The following CSMD1 variants were observed in gnomAD, a reference collection of about 807,000 sequenced individuals.
The protein encoded by CSMD1 is CUB and sushi domain-containing protein 1.
A neutral mutation model predicts 417.5 loss-of-function variants in CSMD1; 213 were observed. The ratio of observed to expected loss-of-function variants is 0.51; its 90% CI spans 0.46 to 0.57. CSMD1 has a LOEUF of 0.57. Ranked by LOEUF, CSMD1 falls within the 20% of genes least tolerant of loss-of-function variation. CSMD1 has a pLI of 0.00. For synonymous variants in CSMD1, 2,862 were observed against 1,736.8 expected, an observed-to-expected ratio of 1.65 and a Z score of -16.11; for missense variants, 6,923 against 4,529.7, an observed-to-expected ratio of 1.53 and a Z score of -15.17.
intron 3 of CSMD1, among the ~76,000 whole-genome samples, chr8:4,045,062 G>C (rs533062720): frequency 6.6e-6 from 1 of 152,170 alleles, no homozygotes; most frequent in Admixed American, 6.5e-5. Flanking sequence ...AAAGCCTTGT[G>C]CCTGAGGTAT....
intron 10 of CSMD1, among the ~76,000 whole-genome samples, chr8:3,524,169 G>A (rs1224882501): frequency 1.4e-5 from 2 of 146,522 alleles, no homozygotes; most frequent in African/African-American, 5.1e-5. Flanking sequence ...CCAGAGACGT[G>A]CACACACATG....
chr8:3,783,558 G>A (rs1485471446), intron 5 of CSMD1, among the ~76,000 whole-genome samples: 1 of 152,200 alleles, frequency 6.6e-6, no homozygotes, highest in African/African-American at 2.4e-5. Flanking sequence ...ACAGGAGGAA[G>A]CACCACCTGG....
At chr8:4,932,048 T>C (rs915520009) in intron 1 of CSMD1, among the ~76,000 whole-genome samples, 2 of 152,186 alleles carry the variant, frequency 1.3e-5, no homozygotes, top group Non-Finnish European at 2.9e-5. Context: ...ATTGCTAACA[T>C]TTCTTTGGTA....
At chr8:3,272,190 G>C (rs79531951) in intron 26 of CSMD1, among the ~76,000 whole-genome samples, 83,743 of 134,888 alleles carry the variant, frequency 0.62, 28,165 homozygotes, top group Admixed American at 0.64. Context: ...AATAGGGAAT[G>C]CTTTCCCCAT....
At chr8:4,050,327 G>C (rs746956248) in intron 3 of CSMD1, among the ~76,000 whole-genome samples, 16 of 152,144 alleles carry the variant, frequency 1.1e-4, no homozygotes, top group Non-Finnish European at 1.2e-4. Context: ...AAGGAGGCTA[G>C]TTATACACAG....
At chr8:3,245,632 G>T (rs532847901) in intron 26 of CSMD1, among the ~76,000 whole-genome samples, 3 of 152,242 alleles carry the variant, frequency 2.0e-5, no homozygotes, top group African/African-American at 7.2e-5. Context: ...TAAATCTTCC[G>T]CAGGCACCTG....
chr8:4,052,071 G>T (rs1032512701), intron 3 of CSMD1, among the ~76,000 whole-genome samples: 1 of 151,982 alleles, frequency 6.6e-6, no homozygotes, highest in Non-Finnish European at 1.5e-5. Context: ...AAGTAGCCGG[G>T]ACTAAATACC....
chr8:3,947,827 C>T (rs564045045), intron 5 of CSMD1, among the ~76,000 whole-genome samples: 2 of 152,240 alleles, frequency 1.3e-5, no homozygotes, highest in African/African-American at 4.8e-5. Flanking sequence ...TCAAGTAGGT[C>T]ACATTTGTTA....
intron 12 of CSMD1, among the ~76,000 whole-genome samples, chr8:3,416,761 C>T (rs951655673): frequency 4.6e-5 from 7 of 152,118 alleles, no homozygotes; most frequent in Non-Finnish European, 7.4e-5. Flanking sequence ...GTACAGAACT[C>T]ACTGAGCCTA....
At chr8:4,175,584 G>A (rs894621143) in intron 3 of CSMD1, among the ~76,000 whole-genome samples, 2 of 152,084 alleles carry the variant, frequency 1.3e-5, no homozygotes, top group Non-Finnish European at 2.9e-5. Context: ...GGTATATTAG[G>A]AGAGTAAATA....
intron 3 of CSMD1, among the ~76,000 whole-genome samples, chr8:4,160,112 A>C (rs1282644265): frequency 6.6e-6 from 1 of 151,766 alleles, no homozygotes; most frequent in Non-Finnish European, 1.5e-5. Flanking sequence ...AGCACTGAGG[A>C]CATTAAAAAA....
At chr8:4,040,637 T>C (rs17063211) in intron 3 of CSMD1, among the ~76,000 whole-genome samples, 23,154 of 152,172 alleles carry the variant, frequency 0.15, 2,420 homozygotes, top group East Asian at 0.39. Context: ...TTAGGTAGAA[T>C]GGAGGGCACA....
intron 3 of CSMD1, among the ~76,000 whole-genome samples, chr8:4,058,037 G>A (rs1339035438): frequency 6.6e-6 from 1 of 151,490 alleles, no homozygotes; most frequent in African/African-American, 2.4e-5. Flanking sequence ...GGTTCCATAT[G>A]AATTTTAAAG....
intron 5 of CSMD1, among the ~76,000 whole-genome samples, chr8:3,754,479 G>A (rs1402558144): frequency 7.3e-6 from 1 of 137,036 alleles, no homozygotes; most frequent in Non-Finnish European, 1.6e-5. Flanking sequence ...TTTTGAGACG[G>A]AGTCTCACTG....
chr8:4,983,880 G>A (rs1811032531), intron 1 of CSMD1, among the ~76,000 whole-genome samples: 1 of 152,046 alleles, frequency 6.6e-6, no homozygotes, highest in African/African-American at 2.4e-5. Flanking sequence ...GTGGGCTTGA[G>A]ATACATGGAA....
chr8:4,617,697 T>C (rs1801549906), intron 2 of CSMD1, among the ~76,000 whole-genome samples: 1 of 152,198 alleles, frequency 6.6e-6, no homozygotes, highest in Admixed American at 6.6e-5. Flanking sequence ...TCAGTGAATC[T>C]GTTCTTCATC....
intron 7 of CSMD1, among the ~76,000 whole-genome samples, chr8:3,704,120 C>T (rs191028151): frequency 6.6e-6 from 1 of 152,064 alleles, no homozygotes; most frequent in Non-Finnish European, 1.5e-5. Flanking sequence ...ATAATTAGAG[C>T]AGTCCTCCAT....
At chr8:3,767,838 G>A (rs1157253385) in intron 5 of CSMD1, among the ~76,000 whole-genome samples, 1 of 152,148 alleles carries the variant, frequency 6.6e-6, no homozygotes, top group Admixed American at 6.5e-5. Context: ...GGGTGGAAAT[G>A]CCCAGTGGGT....
chr8:4,113,333 C>T (rs186554622), intron 3 of CSMD1, among the ~76,000 whole-genome samples: 150 of 150,402 alleles, frequency 1.0e-3, no homozygotes, highest in African/African-American at 3.6e-3. Flanking sequence ...AGGCCTGCTG[C>T]ACCCAACAGC....
Sources: gnomAD v4.1 joint callset for allele counts (sites outside exome capture counted in the v4.1 genomes callset) on GRCh38, gnomAD v4.1.1 for gene constraint, MANE v1.5 for transcripts, NCBI Gene and HGNC (gene_info 2026-07-23, HGNC 2026-07-21) for gene names.